MAP1LC3B2: variants seen among roughly 807,000 people sequenced by gnomAD.
The protein encoded by MAP1LC3B2 is microtubule associated protein 1 light chain 3 beta 2.
For missense variants in MAP1LC3B2, 155 were observed against 154.6 expected (o/e 1.00, Z -0.01); for synonymous variants, 62 against 57.8 (o/e 1.07, Z -0.33).
intron 1 of MAP1LC3B2, among the ~76,000 whole-genome samples, chr12:116,563,163 C>T (rs1300753717): frequency 1.3e-5 from 2 of 151,998 alleles, no homozygotes; most frequent in Admixed American, 6.6e-5. Context: ...TTCTCCATGT[C>T]GGTCAGGCTG....
chr12:116,575,950 C>G lies in MAP1LC3B2; in HGVS notation c.8C>G (p.Ser3Trp), dbSNP rs201087313. The G allele has an allele frequency of 8.7e-6, 14 of 1,614,072 alleles. No homozygotes were observed. In the African/African-American group the frequency reaches 1.3e-4, roughly 15 times the overall value. MP[S>W]EKTFKQRRTF... ...GGCCCAGATCCCCACACCATGCCGTCGGAGAAGACCTTCAAGCAGCGGCGC... is the reference window on the plus strand; with the variant it reads ...GGCCCAGATCCCCACACCATGCCGTGGGAGAAGACCTTCAAGCAGCGGCGC... The change falls in exon 2 of 2, where the codon TCG (serine) becomes TGG (tryptophan). Residue 3 changes from serine to tryptophan, a missense_variant. Physicochemically the swap from Ser to Trp is radical, Grantham distance 177. Transcript: ENST00000556529.
chr12:116,569,501 A>G (rs1437868128), intron 1 of MAP1LC3B2, among the ~76,000 whole-genome samples: 2 of 152,206 alleles, frequency 1.3e-5, no homozygotes, highest in Non-Finnish European at 2.9e-5. Context: ...GCAAAACTGT[A>G]AATCCTTCAA....
chr12:116,573,842 A>G (rs1057361728), intron 1 of MAP1LC3B2, among the ~76,000 whole-genome samples: 2 of 152,258 alleles, frequency 1.3e-5, no homozygotes, highest in Non-Finnish European at 2.9e-5. Flanking sequence ...CTTACAAAAT[A>G]AAAAGACCAA....
intron 1 of MAP1LC3B2, among the ~76,000 whole-genome samples, chr12:116,574,523 G>A (rs993255308): frequency 6.6e-6 from 1 of 151,972 alleles, no homozygotes; most frequent in African/African-American, 2.4e-5. Flanking sequence ...GCGTGCCCCT[G>A]TGGCCCCAGC....
At chr12:116,571,576 G>C (rs1486770445) in intron 1 of MAP1LC3B2, among the ~76,000 whole-genome samples, 1 of 141,290 alleles carries the variant, frequency 7.1e-6, no homozygotes, top group African/African-American at 2.7e-5. Flanking sequence ...CGCCTCCCGG[G>C]TTCATGCCAT....
Position 116,576,088 on chromosome 12 carries a change from A to C in MAP1LC3B2, c.146A>C (p.Lys49Thr). The change falls in exon 2 of 2, where the codon AAA becomes ACA. Residue 49 changes from lysine to threonine, a missense_variant. Lys to Thr is a moderately conservative substitution (Grantham distance 78). Coordinates refer to ENST00000556529, the MANE Select transcript of MAP1LC3B2 (RefSeq NM_001085481.3). ...GAGAAGCAGCTTCCTGTTCTGGATAAAACAAAGTTCCTTGTACCTGACCAT... is the reference window on the plus strand; with the variant it reads ...GAGAAGCAGCTTCCTGTTCTGGATACAACAAAGTTCCTTGTACCTGACCAT... ...KGEKQLPVLD[K>T]TKFLVPDHVN... is the part of the protein sequence containing the mutation. The C allele has an allele frequency of 6.2e-7, 1 of 1,614,246 alleles. No individual in the cohort carries two copies. The highest frequency in any genetic ancestry group is 1.1e-5 in the South Asian group (1 of 91,092).
intron 1 of MAP1LC3B2, among the ~76,000 whole-genome samples, chr12:116,563,024 C>T (rs147899491): frequency 2.0e-5 from 3 of 152,242 alleles, no homozygotes; most frequent in Admixed American, 6.5e-5. Flanking sequence ...TGCAATGGCG[C>T]GATCTCGGCT....
Position 116,576,140 on chromosome 12 carries a change from A to C in MAP1LC3B2, c.198A>C (p.Ile66=), listed in dbSNP as rs201233439. 4 of 1,614,022 alleles carry C rather than the reference A, an allele frequency of 2.5e-6. No homozygotes were observed. Among genetic ancestry groups the C allele is most frequent in the African/African-American group, 1.3e-5 (1 of 74,914 alleles). ...DHVNMSELIK[I]IRRRLQLNAN... is the part of the protein sequence containing the mutation. The stretch of plus-strand genomic sequence containing the variant: ...TCAACATGAGTGAGCTCATCAAGAT[A>C]ATTAGAAGGCGCTTACAGCTCAATG... Residue 66 remains isoleucine, a synonymous_variant, in exon 2 of 2, where the codon ATA becomes ATC. Transcript: ENST00000556529.
At chr12:116,574,231 G>A (rs1335855452) in intron 1 of MAP1LC3B2, among the ~76,000 whole-genome samples, 2 of 133,542 alleles carry the variant, frequency 1.5e-5, no homozygotes, top group African/African-American at 2.8e-5. Flanking sequence ...ATTTATTGCA[G>A]TATCGTTTGT....
intron 1 of MAP1LC3B2, among the ~76,000 whole-genome samples, chr12:116,562,890 A>G (rs541887441): frequency 6.3e-4 from 96 of 152,248 alleles, no homozygotes; most frequent in Non-Finnish European, 1.2e-3. Context: ...GATTTCTGGC[A>G]TTCTTCATTT....
rs35360861 is a variant in MAP1LC3B2 at position 116,576,591 on chromosome 12, TAA to T, written c.*285_*286del. On this transcript the variant is annotated 3_prime_UTR_variant, in exon 2 of 2. Transcript: ENST00000556529. ...TTTAAAAATAAAATACTTTGCATTC[TAA>T]AAAAAAAAAAAAATTGCCTTACACA... is the stretch of plus-strand genomic sequence containing the variant. The T allele has an allele frequency of 1.8e-3, 472 of 263,164 alleles. No homozygotes were observed. The highest frequency in any genetic ancestry group is 7.6e-3 in the Middle Eastern group (5 of 658). The allele number at this position is 263,164 out of a possible 1,614,324, so 16.3% of individuals were successfully genotyped here. A position where few individuals can be genotyped will look rare whatever the true frequency, so the allele number is the denominator to read the frequency against.
At chr12:116,564,467 T>C (rs529188848) in intron 1 of MAP1LC3B2, among the ~76,000 whole-genome samples, 1 of 152,306 alleles carries the variant, frequency 6.6e-6, no homozygotes. Context: ...AAAGCTGGCT[T>C]AGGCCTACAA....
Position 116,576,027 on chromosome 12 carries a change from A to C in MAP1LC3B2, c.85A>C (p.Thr29Pro), listed in dbSNP as rs779751918. The C allele has an allele frequency of 8.7e-6, 14 of 1,614,224 alleles. No individual in the cohort carries two copies. The South Asian group carries it at 1.1e-4, about 13-fold the overall frequency. Residue 29 changes from threonine (T) to proline (P), a missense_variant, in exon 2 of 2, where the codon ACC becomes CCC. Physicochemically the swap from Thr to Pro is conservative, Grantham distance 38. Transcript: ENST00000556529. ...CCGACTTATTCGAGAGCAGCATCCA[A>C]CCAAAATCCCGGTGATAATAGAACG... is the stretch of plus-strand genomic sequence containing the variant. ...DVRLIREQHP[T>P]KIPVIIERYK...
intron 1 of MAP1LC3B2, among the ~76,000 whole-genome samples, chr12:116,566,616 TAAAAAAAAAAAAA>T (rs58530141): frequency 2.2e-5 from 2 of 91,624 alleles, no homozygotes; most frequent in African/African-American, 8.2e-5. Context: ...AGTCAGTGAT[TAAAAAAAAAAAAA>T]AAAAAAAAAA....
chr12:116,574,655 GA>G (rs56382732), intron 1 of MAP1LC3B2, among the ~76,000 whole-genome samples: 68,410 of 144,628 alleles, frequency 0.47, 17,142 homozygotes, highest in Admixed American at 0.6. Flanking sequence ...CAAAAAGAAA[GA>G]AAAAAAAAAA....
chr12:116,566,182 G>C (rs529735195), intron 1 of MAP1LC3B2, among the ~76,000 whole-genome samples: 7 of 152,294 alleles, frequency 4.6e-5, no homozygotes, highest in African/African-American at 1.7e-4. Context: ...TTGCTTGGGG[G>C]TGAAGGGCAA....
intron 1 of MAP1LC3B2, chr12:116,560,224 A>ATG (rs1566022591): frequency 4.6e-5 from 5 of 108,566 alleles, no homozygotes; most frequent in South Asian, 2.8e-4. Flanking sequence ...ATATATATAT[A>ATG]TATATATATA....
Position 116,575,900 on chromosome 12 carries a change from G to C in MAP1LC3B2, c.-43G>C, listed in dbSNP as rs200170663. The C allele has an allele frequency of 1.2e-6, 2 of 1,612,692 alleles. No homozygotes were observed. The highest frequency in any genetic ancestry group is 1.7e-6 in the Non-Finnish European group (2 of 1,179,186). On this transcript the variant is annotated 5_prime_UTR_variant, in exon 2 of 2. Transcript: ENST00000556529. ...GCAGCCGCCACCCCCAGGAGCCGCC[G>C]GGACCCTCGCGTCGTCGCCGCCGCG...
chr12:116,564,096 C>T (rs1477944842), intron 1 of MAP1LC3B2, among the ~76,000 whole-genome samples: 15 of 151,952 alleles, frequency 9.9e-5, no homozygotes, highest in Admixed American at 9.2e-4. Flanking sequence ...ACATTTGGTT[C>T]TTTTTTTATA....
Sources: gnomAD v4.1 joint callset for allele counts (sites outside exome capture counted in the v4.1 genomes callset) on GRCh38, gnomAD v4.1.1 for gene constraint, MANE v1.5 for transcripts, NCBI Gene and HGNC (gene_info 2026-07-23, HGNC 2026-07-21) for gene names.